Variants in KCNH1 observed in about 807,000 individuals in gnomAD.
KCNH1 encodes potassium voltage-gated channel subfamily H member 1, also known as voltage-gated delayed rectifier potassium channel KCNH1.
A neutral mutation model predicts 69.2 loss-of-function variants in KCNH1; 27 were observed. The observed-to-expected ratio is 0.39, with a 90% CI of 0.29 to 0.54. KCNH1 has a LOEUF of 0.54. KCNH1 is among the 20% of genes least tolerant of loss of function. The pLI is 0.68. For synonymous variants in KCNH1, 456 were observed against 487.7 expected (o/e 0.93, Z 0.86); for missense variants, 798 against 1,261.6 (o/e 0.63, Z 5.57).
chr1:211,066,000 A>G (rs1690522279), intron 5 of KCNH1, among the ~76,000 whole-genome samples: 1 of 152,148 alleles, frequency 6.6e-6, no homozygotes, highest in Non-Finnish European at 1.5e-5. Context: ...TCGAGGCTCC[A>G]GTGAGTCATG....
At chr1:210,872,468 T>C (rs910560378) in intron 7 of KCNH1, among the ~76,000 whole-genome samples, 1 of 152,148 alleles carries the variant, frequency 6.6e-6, no homozygotes, top group South Asian at 2.1e-4. Context: ...CATTCCTTCA[T>C]TGCTATAAAT....
intron 7 of KCNH1, among the ~76,000 whole-genome samples, chr1:210,868,501 T>C (rs913882786): frequency 1.3e-5 from 2 of 151,952 alleles, no homozygotes; most frequent in African/African-American, 4.8e-5. Flanking sequence ...AAACTTCTAG[T>C]TTTACAGTTT....
At chr1:210,831,446 A>T (rs957320688) in intron 7 of KCNH1, among the ~76,000 whole-genome samples, 2 of 152,186 alleles carry the variant, frequency 1.3e-5, no homozygotes, top group Non-Finnish European at 2.9e-5. Flanking sequence ...ATTAAGATAG[A>T]CTGAGAAAGG....
chr1:211,095,371 G>A (rs942633821), intron 3 of KCNH1, among the ~76,000 whole-genome samples: 2 of 152,172 alleles, frequency 1.3e-5, no homozygotes, highest in Admixed American at 6.5e-5. Context: ...TGCTGCTGCT[G>A]GGAGGGAGGC....
chr1:210,936,138 A>G (rs1687770818), intron 6 of KCNH1, among the ~76,000 whole-genome samples: 1 of 152,244 alleles, frequency 6.6e-6, no homozygotes. Context: ...CCAGGTCTGT[A>G]TGGAGACACA....
intron 6 of KCNH1, among the ~76,000 whole-genome samples, chr1:211,013,726 T>A (rs1337761837): frequency 6.6e-6 from 1 of 152,194 alleles, no homozygotes; most frequent in Non-Finnish European, 1.5e-5. Context: ...AGAGCTGGGA[T>A]GGGCTCATCA....
At chr1:210,995,524 A>G (rs952387656) in intron 6 of KCNH1, among the ~76,000 whole-genome samples, 1 of 152,094 alleles carries the variant, frequency 6.6e-6, no homozygotes, top group Non-Finnish European at 1.5e-5. Context: ...GACCCAAAAC[A>G]CCTTACCCAA....
rs1252268440 is a variant in KCNH1, at chr1:211,082,924, A to G, written c.440-26T>C. 22 of 1,586,194 alleles carry G rather than the reference A, an allele frequency of 1.4e-5. No individual in the cohort carries two copies. In the Middle Eastern group the frequency reaches 5.0e-4, roughly 36 times the overall value. ...CTGAAGCAAGTGGAAGAGTGAAAAG[A>G]CAGGGTCAACCACATCCCAAAGGTG... On this transcript the variant is annotated intron_variant, in intron 4 of 10. Transcript: ENST00000271751.
chr1:210,942,282 T>C (rs987926843), intron 6 of KCNH1, among the ~76,000 whole-genome samples: 2 of 152,010 alleles, frequency 1.3e-5, no homozygotes, highest in Admixed American at 6.6e-5. Flanking sequence ...GTCTCATGGA[T>C]GGACCATATC....
chr1:210,847,870 G>A (rs935991500), intron 7 of KCNH1, among the ~76,000 whole-genome samples: 3 of 152,038 alleles, frequency 2.0e-5, no homozygotes, highest in Non-Finnish European at 2.9e-5. Flanking sequence ...ATTACCATGA[G>A]CAAAATTAGA....
chr1:210,826,471 G>T (rs753841418), intron 7 of KCNH1, among the ~76,000 whole-genome samples: 3 of 152,158 alleles, frequency 2.0e-5, no homozygotes, highest in Non-Finnish European at 4.4e-5. Flanking sequence ...ATGCATTTCA[G>T]ATGATAAAAC....
At chr1:210,977,753 T>C (rs1207208575) in intron 6 of KCNH1, among the ~76,000 whole-genome samples, 1 of 152,108 alleles carries the variant, frequency 6.6e-6, no homozygotes, top group Non-Finnish European at 1.5e-5. Flanking sequence ...CCTGAAAAAA[T>C]GTATTTTTTG....
chr1:210,712,967 A>C (rs1682115076), intron 10 of KCNH1, among the ~76,000 whole-genome samples: 1 of 152,070 alleles, frequency 6.6e-6, no homozygotes, highest in African/African-American at 2.4e-5. Context: ...GGCTCCCCTG[A>C]CACAATGCAG....
chr1:210,833,573 T>G (rs1685213903), intron 7 of KCNH1, among the ~76,000 whole-genome samples: 1 of 152,082 alleles, frequency 6.6e-6, no homozygotes, highest in Non-Finnish European at 1.5e-5. Flanking sequence ...CCTAAAACCA[T>G]AAAAACCCTA....
rs375536673 is a variant in KCNH1 at position 210,988,544 on chromosome 1, T to C, written c.1032+30239A>G. On this transcript the variant is annotated intron_variant, in intron 6 of 10. Transcript: ENST00000271751. Reference sequence around the variant, plus strand: ...ATAATACATGCCATGTCTATTGCAATAAGCCATCACCAGGATTAATCTATC... The same window carrying C: ...ATAATACATGCCATGTCTATTGCAACAAGCCATCACCAGGATTAATCTATC... Among the ~76,000 whole-genome samples the C allele has an allele frequency of 8.1e-4, 124 of 152,318 alleles. 1 individual carries two copies. The highest frequency in any genetic ancestry group is 2.8e-3 in the African/African-American group (118 of 41,574).
chr1:210,899,293 C>A (rs1686941555), intron 7 of KCNH1, among the ~76,000 whole-genome samples: 1 of 152,094 alleles, frequency 6.6e-6, no homozygotes, highest in African/African-American at 2.4e-5. Context: ...GAGATTCCAG[C>A]TTCATTCATT....
At chr1:210,743,858 C>T (rs1238785593) in intron 10 of KCNH1, among the ~76,000 whole-genome samples, 1 of 152,174 alleles carries the variant, frequency 6.6e-6, no homozygotes, top group African/African-American at 2.4e-5. Context: ...AACATCTGGG[C>T]ACTGAGCTAG....
intron 6 of KCNH1, among the ~76,000 whole-genome samples, chr1:210,963,256 C>G (rs1274084927): frequency 6.6e-6 from 1 of 151,996 alleles, no homozygotes; most frequent in Non-Finnish European, 1.5e-5. Context: ...ACAAAAGGGA[C>G]GTCCACGCAG....
intron 10 of KCNH1, among the ~76,000 whole-genome samples, chr1:210,724,689 A>C (rs925525575): frequency 5.3e-5 from 8 of 152,144 alleles, no homozygotes; most frequent in African/African-American, 1.9e-4. Flanking sequence ...TATGTGCTTG[A>C]GGGTTCAGTT....
Sources: allele counts gnomAD v4.1 joint callset (sites outside exome capture counted in the v4.1 genomes callset), GRCh38; gene constraint gnomAD v4.1.1; transcripts MANE v1.5; gene names NCBI Gene and HGNC (gene_info 2026-07-23, HGNC 2026-07-21).